Variants in SLC5A1 observed in about 807,000 individuals in gnomAD.
SLC5A1 encodes the protein solute carrier family 5 member 1, also known as sodium/glucose cotransporter 1.
A neutral mutation model predicts 73.5 loss-of-function variants in SLC5A1; 42 were observed. The ratio of observed to expected loss-of-function variants is 0.57; its 90% CI spans 0.45 to 0.74. The LOEUF is 0.74. Among genes scored for constraint, SLC5A1 ranks in the 30% least tolerant of loss-of-function variants. SLC5A1 has a pLI of 0.00. For synonymous variants in SLC5A1, 300 were observed against 317.4 expected, an observed-to-expected ratio of 0.95 and a Z score of 0.58; for missense variants, 634 against 855.4, an observed-to-expected ratio of 0.74 and a Z score of 3.23.
intron 11 of SLC5A1, among the ~76,000 whole-genome samples, chr22:32,093,059 G>A (rs1487816300): frequency 6.6e-6 from 1 of 152,126 alleles, no homozygotes; most frequent in East Asian, 1.9e-4. Flanking sequence ...TGAATAGGGT[G>A]TCCTTTCCCC....
intron 11 of SLC5A1, among the ~76,000 whole-genome samples, chr22:32,097,233 A>G (rs970817662): frequency 6.6e-6 from 1 of 152,202 alleles, no homozygotes; most frequent in Non-Finnish European, 1.5e-5. Flanking sequence ...GGGGACTGTA[A>G]GATCAACCAG....
chr22:32,075,754 G>C (rs2093989917), intron 5 of SLC5A1, among the ~76,000 whole-genome samples: 1 of 152,078 alleles, frequency 6.6e-6, no homozygotes, highest in African/African-American at 2.4e-5. Flanking sequence ...AGGGACATCT[G>C]GGCAGGGGGT....
intron 11 of SLC5A1, among the ~76,000 whole-genome samples, 181 bp from the exon 12 acceptor site, chr22:32,099,000 GGT>G (rs2094030909): frequency 6.7e-6 from 1 of 148,576 alleles, no homozygotes; most frequent in Non-Finnish European, 1.5e-5. Context: ...GCAGGAGAAT[GGT>G]GTGAATCCGG....
intron 2 of SLC5A1, among the ~76,000 whole-genome samples, chr22:32,052,464 G>A (rs2093946314): frequency 6.6e-6 from 1 of 152,186 alleles, no homozygotes; most frequent in African/African-American, 2.4e-5. Context: ...CCCAACACAT[G>A]GGTGGGGAGC....
intron 2 of SLC5A1, 66 bp downstream of exon 2, chr22:32,050,080 T>G (rs1332003165): frequency 7.2e-7 from 1 of 1,385,890 alleles, no homozygotes; most frequent in Non-Finnish European, 1.0e-6. Context: ...GAACTCATTT[T>G]CTTCTTGGCT....
At chr22:32,099,105 AATATAT>A (rs765568860) in intron 11 of SLC5A1, 72 bp from the exon 12 acceptor site, 6,098 of 57,426 alleles carry the variant, frequency 0.11, 515 homozygotes, top group African/African-American at 0.16. Context: ...AAAAAAAAAA[AATATAT>A]ATATATATAT....
chr22:32,060,554 A>G (rs2093960736), intron 2 of SLC5A1, among the ~76,000 whole-genome samples: 1 of 151,906 alleles, frequency 6.6e-6, no homozygotes, highest in Non-Finnish European at 1.5e-5. Flanking sequence ...AGCCTCTTTC[A>G]CTTTTTGTCC....
chr22:32,089,813 C>T (rs2094014067), intron 10 of SLC5A1, among the ~76,000 whole-genome samples: 3 of 152,162 alleles, frequency 2.0e-5, no homozygotes, highest in Non-Finnish European at 4.4e-5. Context: ...ACTCCTGAAA[C>T]TGTAAAACTC....
rs199690019 is a variant in SLC5A1 at position 32,068,487 on chromosome 22, C to G, written c.373-9C>G. The G allele has an allele frequency of 6.3e-7, 1 of 1,599,720 alleles. No individual in the cohort carries two copies. Among genetic ancestry groups the G allele is most frequent in the East Asian group, 2.2e-5 (1 of 44,808 alleles). On this transcript the variant is annotated splice_polypyrimidine_tract_variant and intron_variant, in intron 4 of 14. Transcript: ENST00000266088. ...TGGCTGGCAGTGACCTCCCTCGCACCCCATGCAGGTGGTGACAATGCCAGA... is the reference window on the plus strand; with the variant it reads ...TGGCTGGCAGTGACCTCCCTCGCACGCCATGCAGGTGGTGACAATGCCAGA...
intron 11 of SLC5A1, among the ~76,000 whole-genome samples, chr22:32,093,938 C>T (rs997290086): frequency 6.6e-6 from 1 of 152,154 alleles, no homozygotes; most frequent in Non-Finnish European, 1.5e-5. Context: ...AGAGGGAATG[C>T]TTTCAACTTT....
intron 12 of SLC5A1, among the ~76,000 whole-genome samples, chr22:32,101,346 A>C (rs1438542672): frequency 6.6e-6 from 1 of 152,170 alleles, no homozygotes; most frequent in Non-Finnish European, 1.5e-5. Context: ...AGGAGTAAAA[A>C]AAACCCTGAA....
intron 2 of SLC5A1, among the ~76,000 whole-genome samples, chr22:32,065,859 T>A (rs999318731): frequency 1.3e-5 from 2 of 152,236 alleles, no homozygotes; most frequent in Non-Finnish European, 2.9e-5. Context: ...GCATAATCTC[T>A]TTTGGGAAAT....
At chr22:32,089,303 AAT>A (rs2094013233) in intron 10 of SLC5A1, among the ~76,000 whole-genome samples, 2 of 152,224 alleles carry the variant, frequency 1.3e-5, no homozygotes. Flanking sequence ...CCTCGCAACA[AAT>A]GACAAAATAA....
chr22:32,068,755 G>A (rs2093978303), intron 5 of SLC5A1, among the ~76,000 whole-genome samples, 155 bp downstream of exon 5: 1 of 151,828 alleles, frequency 6.6e-6, no homozygotes, highest in South Asian at 2.1e-4. Flanking sequence ...TTTCTGCATC[G>A]AGGAGCCAAT....
chr22:32,073,167 T>C (rs1023390199), intron 5 of SLC5A1, among the ~76,000 whole-genome samples: 4 of 152,244 alleles, frequency 2.6e-5, no homozygotes, highest in African/African-American at 9.6e-5. Flanking sequence ...TTCATAGTTT[T>C]AGTGCTTATA....
chr22:32,085,609 CTAA>C (rs1486579699), intron 9 of SLC5A1, among the ~76,000 whole-genome samples: 2 of 149,470 alleles, frequency 1.3e-5, no homozygotes, highest in Non-Finnish European at 3.0e-5. Context: ...TCACTTCTCC[CTAA>C]TAATATTTGC....
At chr22:32,060,014 T>TACACACACACAC (rs58053068) in intron 2 of SLC5A1, among the ~76,000 whole-genome samples, 3 of 137,606 alleles carry the variant, frequency 2.2e-5, no homozygotes, top group Non-Finnish European at 4.7e-5. Flanking sequence ...GCCATGGTTA[T>TACACACACACAC]ACACACACAC....
At chr22:32,069,436 G>C (rs1400941845) in intron 5 of SLC5A1, among the ~76,000 whole-genome samples, 1 of 151,910 alleles carries the variant, frequency 6.6e-6, no homozygotes, top group Non-Finnish European at 1.5e-5. Flanking sequence ...TGTGCCTGTA[G>C]TCCCAGCAAC....
intron 5 of SLC5A1, among the ~76,000 whole-genome samples, chr22:32,073,648 C>T (rs1360480062): frequency 5.3e-5 from 8 of 152,120 alleles, no homozygotes; most frequent in African/African-American, 1.9e-4. Flanking sequence ...CCTCCACCTC[C>T]CGGGTTCAAG....
Sources: gnomAD v4.1 joint callset for allele counts (sites outside exome capture counted in the v4.1 genomes callset) on GRCh38, gnomAD v4.1.1 for gene constraint, MANE v1.5 for transcripts, NCBI Gene and HGNC (gene_info 2026-07-23, HGNC 2026-07-21) for gene names.